The following PPP1R12B variants were observed in gnomAD, a reference collection of about 807,000 sequenced individuals.
PPP1R12B encodes myosin phosphatase target subunit 2.
PPP1R12B carries 76 observed loss-of-function variants against 126.1 expected under a neutral mutation model. The observed-to-expected ratio is 0.60, with a 90% CI of 0.50 to 0.73. PPP1R12B has a LOEUF of 0.73. Among genes scored for constraint, PPP1R12B ranks in the 30% least tolerant of loss-of-function variants. The probability of loss-of-function intolerance (pLI) is 0.00; values close to 1 mark genes in which losing one functional copy is unlikely to be tolerated. For missense variants in PPP1R12B, 1,052 were observed against 1,205.1 expected (o/e 0.87, Z 1.88); for synonymous variants, 356 against 434.7 (o/e 0.82, Z 2.25).
rs554981849 is a variant in PPP1R12B, at chr1:202,537,594, T to C, written c.2491-21283T>C. Among the ~76,000 whole-genome samples the C allele has an allele frequency of 2.7e-4, 41 of 152,324 alleles. 1 individual carries two copies. The South Asian group carries it at 7.7e-3, about 28-fold the overall frequency. On this transcript the variant is annotated intron_variant, in intron 18 of 23. Transcript: ENST00000608999. ...TGTTACTACTTCCTAGAAGTGGACA[T>C]AAGATAGAAGTAAAAAGAGACAAAG...
At chr1:202,499,489 A>G (rs1398439324) in intron 18 of PPP1R12B, among the ~76,000 whole-genome samples, 1 of 152,204 alleles carries the variant, frequency 6.6e-6, no homozygotes, top group East Asian at 1.9e-4. Flanking sequence ...TCCTGGGCTC[A>G]AACAGTCCTC....
intron 1 of PPP1R12B, among the ~76,000 whole-genome samples, chr1:202,403,581 C>T (rs1666154226): frequency 6.6e-6 from 1 of 152,332 alleles, no homozygotes; most frequent in Non-Finnish European, 1.5e-5. Flanking sequence ...ACTGACCCAA[C>T]CAGGACTTTG....
In PPP1R12B at chr1:202,550,290, C is replaced by T. The variant is rs115380967; in HGVS notation, c.2491-8587C>T. 9.7e-3 allele frequency among the ~76,000 whole-genome samples: 1,484 copies of T among 152,264 alleles called. 24 individuals are homozygous for T. Among genetic ancestry groups the T allele is most frequent in the African/African-American group, 0.034 (1,417 of 41,548 alleles). ...ATAAAGTTACTGCTACCCAAACAGG[C>T]TGCTGGACTGTGACATTTACCATAT... On this transcript the variant is annotated intron_variant, in intron 18 of 23. Transcript: ENST00000608999.
At chr1:202,457,247 G>C (rs954198508) in intron 13 of PPP1R12B, among the ~76,000 whole-genome samples, 2 of 152,136 alleles carry the variant, frequency 1.3e-5, no homozygotes, top group African/African-American at 4.8e-5. Context: ...AAGGATACGA[G>C]ACCAAAGAAA....
intron 4 of PPP1R12B, among the ~76,000 whole-genome samples, chr1:202,426,285 G>A (rs1669495680): frequency 1.3e-5 from 2 of 152,076 alleles, no homozygotes; most frequent in Admixed American, 6.6e-5. Flanking sequence ...GGCATTATAT[G>A]TGCAGTTGTT....
chr1:202,370,200 C>A, intron 1 of PPP1R12B: 3 of 184,294 alleles, frequency 1.6e-5, no homozygotes, highest in Admixed American at 6.3e-5. Flanking sequence ...AGAAGCCGGA[C>A]ATCCCACTCT....
chr1:202,495,718 T>A (rs778760104), intron 17 of PPP1R12B, 36 bp downstream of exon 17: 1 of 1,551,704 alleles, frequency 6.4e-7, no homozygotes, highest in Admixed American at 1.7e-5. Flanking sequence ...CATATCATAT[T>A]ACTCTTGGTC....
At chr1:202,471,559 A>G (rs1464218726) in intron 13 of PPP1R12B, among the ~76,000 whole-genome samples, 2 of 137,566 alleles carry the variant, frequency 1.5e-5, no homozygotes, top group East Asian at 4.3e-4. Flanking sequence ...CTTTTCAACT[A>G]GGTTAGACTT....
At chr1:202,410,963 C>A (rs565374476) in intron 1 of PPP1R12B, among the ~76,000 whole-genome samples, 2 of 152,126 alleles carry the variant, frequency 1.3e-5, no homozygotes, top group East Asian at 3.8e-4. Flanking sequence ...TGAGTGACAT[C>A]AAAAGCTTGT....
chr1:202,554,337 C>T (rs539353054), intron 18 of PPP1R12B, among the ~76,000 whole-genome samples: 254 of 152,202 alleles, frequency 1.7e-3, no homozygotes, highest in African/African-American at 5.8e-3. Flanking sequence ...TCTATTACAG[C>T]GAGAATAATT....
At chr1:202,458,711 CT>C (rs1673945604) in intron 13 of PPP1R12B, among the ~76,000 whole-genome samples, 1 of 152,162 alleles carries the variant, frequency 6.6e-6, no homozygotes, top group Non-Finnish European at 1.5e-5. Flanking sequence ...CTAAATTTTC[CT>C]TCTGAAAGAG....
chr1:202,423,471 C>T (rs540137426), intron 3 of PPP1R12B, among the ~76,000 whole-genome samples: 2 of 152,224 alleles, frequency 1.3e-5, no homozygotes, highest in South Asian at 2.1e-4. Context: ...TCTTGCTATG[C>T]GCATTGTTTA....
intron 1 of PPP1R12B, among the ~76,000 whole-genome samples, chr1:202,400,233 C>T (rs1665630535): frequency 2.0e-5 from 3 of 152,132 alleles, no homozygotes; most frequent in Admixed American, 6.5e-5. Flanking sequence ...TTTCTATCCT[C>T]GTTATTAATG....
At chr1:202,390,625 A>C (rs1339584936) in intron 1 of PPP1R12B, among the ~76,000 whole-genome samples, 1 of 151,212 alleles carries the variant, frequency 6.6e-6, no homozygotes, top group African/African-American at 2.4e-5. Flanking sequence ...TAACCTCCCA[A>C]GTAACAAGGA....
intron 1 of PPP1R12B, among the ~76,000 whole-genome samples, chr1:202,395,377 C>T (rs2843410): frequency 0.34 from 51,597 of 151,894 alleles, 8,883 homozygotes; most frequent in Middle Eastern, 0.45. Context: ...AATAAAATAC[C>T]GCCGCTCCCT....
chr1:202,562,305 G>A (rs1687609328), intron 19 of PPP1R12B, among the ~76,000 whole-genome samples: 1 of 152,138 alleles, frequency 6.6e-6, no homozygotes, highest in South Asian at 2.1e-4. Context: ...CACCTAAAAG[G>A]CATACGTAGC....
intron 1 of PPP1R12B, among the ~76,000 whole-genome samples, chr1:202,378,619 A>G (rs1245468992): frequency 6.6e-6 from 1 of 152,100 alleles, no homozygotes; most frequent in Non-Finnish European, 1.5e-5. Flanking sequence ...AGCTGGGATT[A>G]CAGGCATGTG....
intron 23 of PPP1R12B, among the ~76,000 whole-genome samples, chr1:202,578,054 T>C (rs1271313026): frequency 6.6e-6 from 1 of 152,230 alleles, no homozygotes; most frequent in Non-Finnish European, 1.5e-5. Context: ...GAGATTGAAC[T>C]TTGTGGGGCT....
At chr1:202,574,270 G>T (rs1688890869) in intron 23 of PPP1R12B, among the ~76,000 whole-genome samples, 3 of 152,136 alleles carry the variant, frequency 2.0e-5, no homozygotes, top group Non-Finnish European at 4.4e-5. Flanking sequence ...AGCACTTTGG[G>T]AGGCTAAGGC....
Sources: allele counts gnomAD v4.1 joint callset (sites outside exome capture counted in the v4.1 genomes callset), GRCh38; gene constraint gnomAD v4.1.1; transcripts MANE v1.5; gene names NCBI Gene and HGNC (gene_info 2026-07-23, HGNC 2026-07-21).